The following SLCO5A1 variants were observed in gnomAD, a reference collection of about 807,000 sequenced individuals.
SLCO5A1 encodes the protein solute carrier organic anion transporter family member 5A1, also known as organic anion transporter polypeptide-related protein 4.
In SLCO5A1, 39 loss-of-function variants were observed where a neutral mutation model predicts 65.1. The ratio of observed to expected loss-of-function variants is 0.60; its 90% CI spans 0.46 to 0.78. SLCO5A1 has a LOEUF of 0.78. Ranked by LOEUF, SLCO5A1 falls within the 30% of genes least tolerant of loss-of-function variation. The probability of loss-of-function intolerance (pLI) is 0.00; values close to 1 mark genes in which losing one functional copy is unlikely to be tolerated. For missense variants in SLCO5A1, 1,029 were observed against 1,069.4 expected (o/e 0.96, Z 0.53); for synonymous variants, 438 against 415.7 (o/e 1.05, Z -0.65).
Position 69,832,815 on chromosome 8 carries a change from G to A in SLCO5A1, c.-142C>T. On this transcript the variant is annotated 5_prime_UTR_variant, in exon 2 of 10. Transcript: ENST00000260126. The surrounding 1 kb of genome is among the most constrained non-coding windows in gnomAD (Gnocchi z 4.5). ...CTGGGGGCGCAGGGCCGCGCAGCAG[G>A]GCATCCTCACCAGCTGCGAGGCGCC... 4 of 955,906 alleles carry A rather than the reference G, an allele frequency of 4.2e-6. No individual in the cohort carries two copies. The highest frequency in any genetic ancestry group is 6.0e-6 in the Non-Finnish European group (4 of 661,302). The allele number at this position is 955,906 out of a possible 1,614,324, so 59.2% of individuals were successfully genotyped here.
At chr8:69,772,682 C>T (rs758029350) in intron 2 of SLCO5A1, among the ~76,000 whole-genome samples, 5 of 149,214 alleles carry the variant, frequency 3.4e-5, no homozygotes, top group South Asian at 2.1e-4. Context: ...AGCTCCTAAC[C>T]GTGGTCAGCC....
intron 4 of SLCO5A1, among the ~76,000 whole-genome samples, chr8:69,753,264 C>T (rs975091443): frequency 6.6e-6 from 1 of 152,098 alleles, no homozygotes; most frequent in Non-Finnish European, 1.5e-5. Context: ...TTGCCTACCC[C>T]AAGAGGGGCA....
chr8:69,685,262 T>C (rs1813955104), intron 6 of SLCO5A1, among the ~76,000 whole-genome samples: 1 of 152,234 alleles, frequency 6.6e-6, no homozygotes, highest in Non-Finnish European at 1.5e-5. Flanking sequence ...CTGATTGTCA[T>C]TCACTCTCCA....
At chr8:69,676,299 T>C (rs531613891) in intron 9 of SLCO5A1, among the ~76,000 whole-genome samples, 153 of 152,314 alleles carry the variant, frequency 1.0e-3, no homozygotes, top group African/African-American at 3.3e-3. Context: ...AATGCTAGGA[T>C]TACAAATTCT....
chr8:69,785,368 T>C (rs1344029300), intron 2 of SLCO5A1, among the ~76,000 whole-genome samples: 1 of 152,220 alleles, frequency 6.6e-6, no homozygotes, highest in Admixed American at 6.5e-5. Context: ...GTAAATCTTA[T>C]TGTAATTTAA....
intron 2 of SLCO5A1, among the ~76,000 whole-genome samples, chr8:69,776,177 A>C (rs1307964546): frequency 6.6e-6 from 1 of 152,166 alleles, no homozygotes; most frequent in East Asian, 1.9e-4. Flanking sequence ...CTGGACACTA[A>C]TTCCCATATA....
At chr8:69,768,100 G>T (rs1818156492) in intron 2 of SLCO5A1, among the ~76,000 whole-genome samples, 1 of 151,862 alleles carries the variant, frequency 6.6e-6, no homozygotes, top group Non-Finnish European at 1.5e-5. Context: ...AGGCATGGTG[G>T]CACGCACCTG....
At position 69,672,097 on chromosome 8, in the gene SLCO5A1, C is replaced by T. The variant is rs1196476834; in HGVS notation, c.*772G>A. The stretch of plus-strand genomic sequence containing the variant: ...ATTGTTTAGCACACTAGTTTTAATG[C>T]TCCTTACAAAAGAATACTGGAGTTT... On this transcript the variant is annotated 3_prime_UTR_variant, in exon 10 of 10. Transcript: ENST00000260126. 1 of 152,192 alleles carries T rather than the reference C, an allele frequency of 6.6e-6. No individual in the cohort carries two copies. Among genetic ancestry groups the T allele is most frequent in the African/African-American group, 2.4e-5 (1 of 41,444 alleles). 9.4% of individuals were successfully genotyped at this position (152,192 alleles called of 1,614,324 possible). A position where few individuals can be genotyped will look rare whatever the true frequency, so the allele number is the denominator to read the frequency against.
rs139880192 is a variant in SLCO5A1, at chr8:69,783,336, A to C, written c.908-21461T>G. The stretch of plus-strand genomic sequence containing the variant: ...TTTAAAATGTGATTAGATTATTTGT[A>C]ACTCAAAGGATAAATGCTTGAGGGG... On this transcript the variant is annotated intron_variant, in intron 2 of 9. Coordinates refer to ENST00000260126, the MANE Select transcript of SLCO5A1 (RefSeq NM_030958.3). Among the ~76,000 whole-genome samples the C allele has an allele frequency of 1.4e-3, 207 of 152,206 alleles. 6 individuals carry two copies. The East Asian group carries it at 0.034, about 25-fold the overall frequency.
intron 9 of SLCO5A1, among the ~76,000 whole-genome samples, chr8:69,674,993 T>C (rs968625124): frequency 6.6e-6 from 1 of 151,518 alleles, no homozygotes. Flanking sequence ...AGAACTGAGA[T>C]TGTGCCACTG....
chr8:69,764,598 A>G (rs994809670), intron 2 of SLCO5A1, among the ~76,000 whole-genome samples: 7 of 152,240 alleles, frequency 4.6e-5, no homozygotes, highest in African/African-American at 1.7e-4. Flanking sequence ...CATGCTTCTC[A>G]TCAATAAAAT....
intron 5 of SLCO5A1, among the ~76,000 whole-genome samples, chr8:69,712,096 T>C (rs1815295716): frequency 6.6e-6 from 1 of 152,234 alleles, no homozygotes. Context: ...CTTAGATATT[T>C]AGCAGCATGT....
chr8:69,680,615 G>T (rs1318071480), intron 7 of SLCO5A1, among the ~76,000 whole-genome samples: 1 of 152,100 alleles, frequency 6.6e-6, no homozygotes, highest in Admixed American at 6.6e-5. Flanking sequence ...GTGTCTTTCT[G>T]GTAGAACAAT....
At chr8:69,828,896 C>A (rs182691857) in intron 2 of SLCO5A1, among the ~76,000 whole-genome samples, 1 of 152,244 alleles carries the variant, frequency 6.6e-6, no homozygotes, top group East Asian at 1.9e-4. Context: ...TTCTCCCTTT[C>A]GATAGGGTTC....
chr8:69,832,221 G>T lies in SLCO5A1; in HGVS notation c.453C>A (p.Ser151Arg), dbSNP rs1303072565. 1 of 1,614,144 alleles carries T rather than the reference G, an allele frequency of 6.2e-7. No individual in the cohort carries two copies. The highest frequency in any genetic ancestry group is 8.5e-7 in the Non-Finnish European group (1 of 1,180,034). ...QALMVSGYLSSVITTIERRYS... is the reference protein window; with the variant it reads ...QALMVSGYLSRVITTIERRYS... ...AGCGCCTTTCAATGGTGGTAATTAC[G>T]CTGCTCAGGTACCCAGAGACCATTA... Residue 151 changes from serine (S) to arginine (R), a missense_variant, in exon 2 of 10, where the codon AGC (serine) becomes AGA (arginine). Physicochemically the swap from Ser to Arg is moderately radical, Grantham distance 110. This residue lies in a region of SLCO5A1 where 647 missense variants were observed against 647.5 expected (regional missense o/e 1.00). Coordinates refer to ENST00000260126, the MANE Select transcript of SLCO5A1 (RefSeq NM_030958.3). This position sits in a 1 kb window ranked among gnomAD's most constrained non-coding sequence, Gnocchi z 4.5.
chr8:69,826,434 G>GA (rs1176895302), intron 2 of SLCO5A1, among the ~76,000 whole-genome samples: 3 of 151,450 alleles, frequency 2.0e-5, no homozygotes, highest in African/African-American at 7.3e-5. Flanking sequence ...AAATTTACAA[G>GA]AAAAAAACAA....
intron 7 of SLCO5A1, among the ~76,000 whole-genome samples, chr8:69,679,881 C>T (rs1227324784): frequency 1.3e-5 from 2 of 152,202 alleles, no homozygotes; most frequent in East Asian, 3.9e-4. Context: ...CATTCACGTT[C>T]TGCAGGCTCA....
chr8:69,775,065 C>G (rs1818504414), intron 2 of SLCO5A1, among the ~76,000 whole-genome samples: 1 of 152,058 alleles, frequency 6.6e-6, no homozygotes, highest in Non-Finnish European at 1.5e-5. Flanking sequence ...ACAGGCCTGA[C>G]AGCAAAAGAA....
At chr8:69,833,620 T>TA (rs1821280019) in intron 1 of SLCO5A1, 1 of 152,128 alleles carries the variant, frequency 6.6e-6, no homozygotes, top group Non-Finnish European at 1.5e-5. Context: ...CCAATTTTTC[T>TA]AAAAGGAAAA....
Sources: gnomAD v4.1 joint callset for allele counts (sites outside exome capture counted in the v4.1 genomes callset) on GRCh38, gnomAD v4.1.1 for gene constraint, gnomAD v4.1.1 regional missense constraint, Gnocchi (gnomAD v3.1) non-coding constraint, MANE v1.5 for transcripts, NCBI Gene and HGNC (gene_info 2026-07-23, HGNC 2026-07-21) for gene names.